SH3PXD2A: variants seen among roughly 807,000 people sequenced by gnomAD.
SH3PXD2A encodes the protein SH3 and PX domain-containing protein 2A.
A neutral mutation model predicts 115.2 loss-of-function variants in SH3PXD2A; 32 were observed. The ratio of observed to expected loss-of-function variants is 0.28; its 90% CI spans 0.21 to 0.37. The LOEUF is 0.37. Ranked by LOEUF, SH3PXD2A falls within the 10% of genes least tolerant of loss-of-function variation. The pLI is 1.00. For synonymous variants in SH3PXD2A, 610 were observed against 629.1 expected (o/e 0.97, Z 0.45); for missense variants, 1,328 against 1,498.7 (o/e 0.89, Z 1.88).
At chr10:103,788,095 G>A (rs541274287) in intron 2 of SH3PXD2A, among the ~76,000 whole-genome samples, 3 of 152,132 alleles carry the variant, frequency 2.0e-5, no homozygotes, top group Non-Finnish European at 4.4e-5. Flanking sequence ...AGGGAGGATC[G>A]GAGCCCCTTC....
intron 2 of SH3PXD2A, among the ~76,000 whole-genome samples, chr10:103,789,360 C>T (rs2039011772): frequency 2.0e-5 from 3 of 152,190 alleles, no homozygotes; most frequent in Admixed American, 2.0e-4. Context: ...CAGCTGAGGG[C>T]TCTTTCACCC....
At chr10:103,712,411 G>A (rs569798670) in intron 5 of SH3PXD2A, among the ~76,000 whole-genome samples, 28 of 152,278 alleles carry the variant, frequency 1.8e-4, no homozygotes, top group Admixed American at 1.6e-3. Flanking sequence ...GTTTGGGAGC[G>A]GGAAACCTGG....
At chr10:103,648,823 C>T (rs752426006) in intron 8 of SH3PXD2A, among the ~76,000 whole-genome samples, 1 of 152,216 alleles carries the variant, frequency 6.6e-6, no homozygotes, top group Non-Finnish European at 1.5e-5. Flanking sequence ...GGAGAAAATG[C>T]ACGTGCCCCC....
chr10:103,666,027 A>G lies in SH3PXD2A; in HGVS notation c.472+2581T>C, dbSNP rs1051356881. 3.9e-5 allele frequency among the ~76,000 whole-genome samples: 6 copies of G among 152,070 alleles called. No homozygotes were observed. The highest frequency in any genetic ancestry group is 1.4e-4 in the African/African-American group (6 of 41,410). ...CTTGCCTCACATCTGCATTCCTTCA[A>G]CTACCACCTGGATGGAACCCTGGCT... On this transcript the variant is annotated intron_variant, in intron 7 of 14. Coordinates refer to ENST00000369774, the MANE Select transcript of SH3PXD2A (RefSeq NM_001394015.1). This position sits in a 1 kb window ranked among gnomAD's most constrained non-coding sequence, Gnocchi z 4.5.
At chr10:103,822,775 T>A (rs1409651494) in intron 1 of SH3PXD2A, among the ~76,000 whole-genome samples, 5 of 152,110 alleles carry the variant, frequency 3.3e-5, no homozygotes, top group Admixed American at 6.5e-5. Flanking sequence ...CCCAAAAAAA[T>A]TTTTAAATGG....
rs1192956965 is a variant in SH3PXD2A at position 103,597,113 on chromosome 10, G to A, written c.*4703C>T. The A allele has an allele frequency of 2.0e-5, 3 of 152,682 alleles. No individual in the cohort carries two copies. The highest frequency in any genetic ancestry group is 2.0e-4 in the Admixed American group (3 of 15,280). 9.5% of individuals were successfully genotyped at this position (152,682 alleles called of 1,614,324 possible). Reference sequence around the variant, plus strand: ...CCCGACTCTTCCCGGAGCAGAATTTGTATGGACTCTCTGGGTGTGGAGCCC... The same window carrying A: ...CCCGACTCTTCCCGGAGCAGAATTTATATGGACTCTCTGGGTGTGGAGCCC... On this transcript the variant is annotated 3_prime_UTR_variant, in exon 15 of 15. Transcript: ENST00000369774.
chr10:103,757,578 G>A lies in SH3PXD2A; in HGVS notation c.229+9516C>T, dbSNP rs115339132. Among the ~76,000 whole-genome samples the A allele has an allele frequency of 5.1e-3, 780 of 152,230 alleles. 6 individuals are homozygous for A. The highest frequency in any genetic ancestry group is 0.018 in the African/African-American group (747 of 41,538). ...GTGGCCTGGCTCTTTTCCTGGTCTT[G>A]GAATGTGGGGATGTCGCGGGGGAAG... is the stretch of plus-strand genomic sequence containing the variant. On this transcript the variant is annotated intron_variant, in intron 3 of 14. Transcript: ENST00000369774.
intron 1 of SH3PXD2A, among the ~76,000 whole-genome samples, chr10:103,811,989 G>A (rs1162170010): frequency 6.6e-6 from 1 of 152,226 alleles, no homozygotes; most frequent in Non-Finnish European, 1.5e-5. Flanking sequence ...GCCTAGCACA[G>A]TCTTTTGCAC....
At chr10:103,788,045 A>C (rs538855485) in intron 2 of SH3PXD2A, among the ~76,000 whole-genome samples, 5 of 152,204 alleles carry the variant, frequency 3.3e-5, no homozygotes, top group Non-Finnish European at 7.4e-5. Flanking sequence ...GGCTGGGAAA[A>C]ATGTTCCCCT....
At chr10:103,674,847 CA>C (rs777187909) in intron 6 of SH3PXD2A, among the ~76,000 whole-genome samples, 7 of 147,728 alleles carry the variant, frequency 4.7e-5, no homozygotes, top group Admixed American at 2.0e-4. Flanking sequence ...AACAAACAAA[CA>C]AAACAAAATA....
rs2133901435 is a variant in SH3PXD2A, at chr10:103,600,192, A to C, written c.*1624T>G. 6.5e-6 allele frequency: 1 copy of C among 152,816 alleles called. No homozygotes were observed. The highest frequency in any genetic ancestry group is 1.5e-5 in the Non-Finnish European group (1 of 68,088). The allele number at this position is 152,816 out of a possible 1,614,324, so 9.5% of individuals were successfully genotyped here. ...TGTCCGAAATCAAAGGCACGTGTGG[A>C]AATCCACTCCCAGCGAAGGGGGAGT... On this transcript the variant is annotated 3_prime_UTR_variant, in exon 15 of 15. Coordinates refer to ENST00000369774, the MANE Select transcript of SH3PXD2A (RefSeq NM_001394015.1).
At chr10:103,817,768 A>G (rs1283786853) in intron 1 of SH3PXD2A, among the ~76,000 whole-genome samples, 9 of 152,354 alleles carry the variant, frequency 5.9e-5, no homozygotes, top group African/African-American at 2.2e-4. Flanking sequence ...ATGCTACAAC[A>G]TGGATGAATC....
chr10:103,633,448 C>T (rs554073988), intron 8 of SH3PXD2A, among the ~76,000 whole-genome samples: 2 of 151,764 alleles, frequency 1.3e-5, no homozygotes, highest in South Asian at 2.1e-4. Flanking sequence ...AAACGCTGGG[C>T]GTGGTGGCTC....
Position 103,798,266 on chromosome 10 carries a change from G to A in SH3PXD2A, c.153+3016C>T, listed in dbSNP as rs539088751. Among the ~76,000 whole-genome samples the A allele has an allele frequency of 8.8e-4, 134 of 152,290 alleles. No individual in the cohort carries two copies. The South Asian group carries it at 0.017, about 19-fold the overall frequency. On this transcript the variant is annotated intron_variant, in intron 2 of 14. Transcript: ENST00000369774. Reference sequence around the variant, plus strand: ...CCCCAAGTGCTGCCCAAGTAGTACCGGGTGTGAATGTATGCTTCACGACCT... The same window carrying A: ...CCCCAAGTGCTGCCCAAGTAGTACCAGGTGTGAATGTATGCTTCACGACCT...
intron 5 of SH3PXD2A, among the ~76,000 whole-genome samples, chr10:103,703,902 T>G (rs994618788): frequency 6.6e-6 from 1 of 152,214 alleles, no homozygotes; most frequent in Non-Finnish European, 1.5e-5. Flanking sequence ...TGTAGCTGCC[T>G]AGGTTCAAAT....
intron 6 of SH3PXD2A, among the ~76,000 whole-genome samples, chr10:103,673,005 C>G (rs925051673): frequency 6.6e-6 from 1 of 152,180 alleles, no homozygotes; most frequent in Non-Finnish European, 1.5e-5. Context: ...AGATGCTGAA[C>G]CTGATTCTTG....
At position 103,730,307 on chromosome 10, in the gene SH3PXD2A, T is replaced by C. The variant is rs545744969; in HGVS notation, c.306+5425A>G. Among the ~76,000 whole-genome samples the C allele has an allele frequency of 3.6e-4, 54 of 151,522 alleles. No homozygotes were observed. In the South Asian group the frequency reaches 0.011, roughly 31 times the overall value. On this transcript the variant is annotated intron_variant, in intron 4 of 14. Coordinates refer to ENST00000369774, the MANE Select transcript of SH3PXD2A (RefSeq NM_001394015.1). Reference sequence around the variant, plus strand: ...TTTTAATTTTTTTAAAGCATCAGTTTCTAATCCCTGGAAATCTTGTGGGTA... The same window carrying C: ...TTTTAATTTTTTTAAAGCATCAGTTCCTAATCCCTGGAAATCTTGTGGGTA...
chr10:103,782,441 A>G (rs1193703585), intron 2 of SH3PXD2A, among the ~76,000 whole-genome samples: 1 of 152,232 alleles, frequency 6.6e-6, no homozygotes, highest in Non-Finnish European at 1.5e-5. Flanking sequence ...AAGAGGAGGA[A>G]TGGGAGCTAA....
chr10:103,788,576 T>A (rs1039625406), intron 2 of SH3PXD2A, among the ~76,000 whole-genome samples: 3 of 152,168 alleles, frequency 2.0e-5, no homozygotes, highest in Non-Finnish European at 4.4e-5. Flanking sequence ...TCTAAACTAG[T>A]GTCCCTGAGG....
Sources: gnomAD v4.1 joint callset for allele counts (sites outside exome capture counted in the v4.1 genomes callset) on GRCh38, gnomAD v4.1.1 for gene constraint, Gnocchi (gnomAD v3.1) non-coding constraint, MANE v1.5 for transcripts, NCBI Gene and HGNC (gene_info 2026-07-23, HGNC 2026-07-21) for gene names.